Variants in EYA4 observed in about 807,000 individuals in gnomAD.
EYA4 encodes protein phosphatase EYA4.
A neutral mutation model predicts 87.9 loss-of-function variants in EYA4; 31 were observed. The observed-to-expected ratio is 0.35, with a 90% confidence interval of 0.27 to 0.48. The LOEUF (loss-of-function observed/expected upper bound fraction) is 0.48, where lower values mean the gene tolerates loss of function less well. EYA4 is among the 20% of genes least tolerant of loss of function. The pLI, the probability that EYA4 is intolerant of heterozygous loss-of-function variation, is 0.99. For missense variants in EYA4, 678 were observed against 761.4 expected (o/e 0.89, Z 1.29); for synonymous variants, 263 against 270.6 (o/e 0.97, Z 0.28).
chr6:133,483,464 A>G (rs941813138), intron 13 of EYA4, among the ~76,000 whole-genome samples: 3 of 151,120 alleles, frequency 2.0e-5, no homozygotes, highest in African/African-American at 7.2e-5. Context: ...GAGCTTTAAG[A>G]AATTGTTTAA....
At chr6:133,304,753 TC>T (rs1779676935) in intron 2 of EYA4, among the ~76,000 whole-genome samples, 1 of 152,122 alleles carries the variant, frequency 6.6e-6, no homozygotes, top group East Asian at 1.9e-4. Context: ...AAATGATCTA[TC>T]TTTCAGGGTT....
At chr6:133,367,391 A>G (rs1003438124) in intron 2 of EYA4, among the ~76,000 whole-genome samples, 2 of 152,146 alleles carry the variant, frequency 1.3e-5, no homozygotes, top group Non-Finnish European at 2.9e-5. Context: ...TAATTAATTT[A>G]TTTTCTTGAT....
chr6:133,248,058 C>T (rs1353351441), intron 1 of EYA4: 2 of 152,252 alleles, frequency 1.3e-5, no homozygotes, highest in Non-Finnish European at 2.9e-5. Flanking sequence ...TTCGATTTAG[C>T]ACTGAGAAAA....
At chr6:133,266,945 C>A (rs1041433972) in intron 1 of EYA4, among the ~76,000 whole-genome samples, 1 of 151,846 alleles carries the variant, frequency 6.6e-6, no homozygotes, top group Non-Finnish European at 1.5e-5. Context: ...TATTAAATAC[C>A]TAAAATTTGC....
intron 1 of EYA4, among the ~76,000 whole-genome samples, chr6:133,242,517 C>T (rs554791406): frequency 1.3e-5 from 2 of 152,242 alleles, no homozygotes; most frequent in South Asian, 4.2e-4. Context: ...TTTTTCTCTC[C>T]TTCCAAGCCT....
At chr6:133,308,738 T>C (rs1779999381) in intron 2 of EYA4, among the ~76,000 whole-genome samples, 1 of 152,254 alleles carries the variant, frequency 6.6e-6, no homozygotes, top group Non-Finnish European at 1.5e-5. Context: ...GCAAAGGACA[T>C]GATTTTGTCT....
intron 1 of EYA4, among the ~76,000 whole-genome samples, chr6:133,254,828 A>G (rs1775209502): frequency 6.6e-6 from 1 of 152,188 alleles, no homozygotes; most frequent in Non-Finnish European, 1.5e-5. Context: ...ACCTTAAGTC[A>G]TTTACTCAGA....
intron 2 of EYA4, among the ~76,000 whole-genome samples, chr6:133,283,097 C>T (rs983623836): frequency 3.8e-4 from 58 of 151,952 alleles, no homozygotes; most frequent in African/African-American, 1.3e-3. Context: ...AGTTCGAGAC[C>T]AGCCTGGCCA....
chr6:133,261,741 G>C (rs560368715), intron 1 of EYA4, among the ~76,000 whole-genome samples: 9 of 152,296 alleles, frequency 5.9e-5, no homozygotes, highest in African/African-American at 2.2e-4. Flanking sequence ...CTACTCTACT[G>C]TACAGCAAAG....
intron 1 of EYA4, among the ~76,000 whole-genome samples, chr6:133,253,650 A>AAATAATAATAAT (rs146660359): frequency 2.0e-5 from 3 of 151,614 alleles, no homozygotes; most frequent in African/African-American, 7.3e-5. Flanking sequence ...TACCTGGACA[A>AAATAATAATAAT]AATAATAATA....
At chr6:133,433,093 C>G (rs1361966081) in intron 3 of EYA4, among the ~76,000 whole-genome samples, 2 of 152,164 alleles carry the variant, frequency 1.3e-5, no homozygotes, top group Non-Finnish European at 2.9e-5. Flanking sequence ...AAAAATCATT[C>G]TCTTCAATTG....
chr6:133,330,549 T>TTATATATA (rs1284047392), intron 2 of EYA4, among the ~76,000 whole-genome samples: 8 of 134,782 alleles, frequency 5.9e-5, no homozygotes, highest in African/African-American at 1.4e-4. Context: ...ATACTGAGAT[T>TTATATATA]TATATATATA....
chr6:133,504,740 T>A (rs1798443013), intron 13 of EYA4, among the ~76,000 whole-genome samples: 1 of 151,904 alleles, frequency 6.6e-6, no homozygotes, highest in South Asian at 2.1e-4. Context: ...GAATGAAGAG[T>A]GGTTTCTCCT....
chr6:133,344,037 G>A (rs1418473138), intron 2 of EYA4, among the ~76,000 whole-genome samples: 1 of 152,122 alleles, frequency 6.6e-6, no homozygotes, highest in East Asian at 1.9e-4. Flanking sequence ...TGATTTAAAA[G>A]CAACCTCTTA....
intron 3 of EYA4, among the ~76,000 whole-genome samples, chr6:133,414,097 T>C (rs374398330): frequency 2.6e-5 from 4 of 152,228 alleles, no homozygotes; most frequent in African/African-American, 9.6e-5. Flanking sequence ...CTCTTGATCA[T>C]TTCCCTGCAT....
intron 13 of EYA4, among the ~76,000 whole-genome samples, chr6:133,497,185 G>A (rs116608134): frequency 1.1e-3 from 170 of 152,092 alleles, no homozygotes; most frequent in African/African-American, 3.9e-3. Context: ...AGTGAAATCC[G>A]TATCTCTTTG....
At chr6:133,356,442 T>C (rs1201505991) in intron 2 of EYA4, among the ~76,000 whole-genome samples, 1 of 152,240 alleles carries the variant, frequency 6.6e-6, no homozygotes, top group African/African-American at 2.4e-5. Context: ...GTTAGGGAAC[T>C]TCGTGCTTGA....
intron 2 of EYA4, among the ~76,000 whole-genome samples, chr6:133,374,571 A>G (rs1785525843): frequency 1.3e-5 from 2 of 152,078 alleles, no homozygotes; most frequent in Admixed American, 1.3e-4. Flanking sequence ...TAGCAGTTAA[A>G]GAAGGGTTAT....
At chr6:133,291,173 G>A (rs1164984552) in intron 2 of EYA4, among the ~76,000 whole-genome samples, 1 of 152,108 alleles carries the variant, frequency 6.6e-6, no homozygotes, top group Non-Finnish European at 1.5e-5. Flanking sequence ...CATCCCCTGG[G>A]CCTTTTATGT....
Sources: gnomAD v4.1 joint callset for allele counts (sites outside exome capture counted in the v4.1 genomes callset) on GRCh38, gnomAD v4.1.1 for gene constraint, MANE v1.5 for transcripts, NCBI Gene and HGNC (gene_info 2026-07-23, HGNC 2026-07-21) for gene names.